ROBO2: variants seen among roughly 807,000 people sequenced by gnomAD.
The protein encoded by ROBO2 is roundabout homolog 2.
Under a neutral mutation model 160.8 loss-of-function variants are expected in ROBO2, and 53 were observed. The observed-to-expected ratio is 0.33, with a 90% confidence interval of 0.26 to 0.41. The LOEUF is 0.41. Ranked by LOEUF, ROBO2 falls within the 10% of genes least tolerant of loss-of-function variation. ROBO2 has a pLI of 1.00. For synonymous variants in ROBO2, 664 were observed against 611.7 expected, an observed-to-expected ratio of 1.09 and a Z score of -1.26; for missense variants, 1,577 against 1,722.4, an observed-to-expected ratio of 0.92 and a Z score of 1.49.
At chr3:77,475,314 T>C (rs1028161833) in intron 2 of ROBO2, among the ~76,000 whole-genome samples, 3 of 152,194 alleles carry the variant, frequency 2.0e-5, no homozygotes, top group African/African-American at 4.8e-5. Context: ...GGAGTCATTT[T>C]CCCCCTTTTT....
Position 76,173,222 on chromosome 3 carries a change from GTA to G in ROBO2, c.109+235628_109+235629del, listed in dbSNP as rs201573444. Among the ~76,000 whole-genome samples the G allele has an allele frequency of 1.0e-4, 15 of 149,790 alleles. No individual in the cohort carries two copies. In the East Asian group the frequency reaches 1.4e-3, roughly 14 times the overall value. ...TTAATGGTAATATATATGTGTGTGA[GTA>G]TATATATGTGTGTGTATATATGTGT... On this transcript the variant is annotated intron_variant, in intron 2 of 26. Transcript: ENST00000487694.
At chr3:77,123,047 G>A (rs1021792214) in intron 2 of ROBO2, among the ~76,000 whole-genome samples, 3 of 152,008 alleles carry the variant, frequency 2.0e-5, no homozygotes, top group Non-Finnish European at 2.9e-5. Context: ...AGCAATAAAA[G>A]CAAAGACAAG....
At chr3:77,536,450 T>A (rs2092110301) in intron 6 of ROBO2, among the ~76,000 whole-genome samples, 1 of 152,068 alleles carries the variant, frequency 6.6e-6, no homozygotes, top group Non-Finnish European at 1.5e-5. Flanking sequence ...ATCTCTTTCC[T>A]CTTTTTCTTC....
chr3:77,394,812 T>A (rs1671350294), intron 2 of ROBO2, among the ~76,000 whole-genome samples: 1 of 152,170 alleles, frequency 6.6e-6, no homozygotes, highest in Non-Finnish European at 1.5e-5. Flanking sequence ...ATTCACTGTT[T>A]CATATGATAT....
At chr3:77,359,106 A>G (rs762508047) in intron 2 of ROBO2, among the ~76,000 whole-genome samples, 9 of 152,262 alleles carry the variant, frequency 5.9e-5, no homozygotes, top group Non-Finnish European at 5.9e-5. Context: ...AAAGCAATGC[A>G]TGAGTATCTA....
At chr3:76,374,764 G>A (rs1455463087) in intron 2 of ROBO2, among the ~76,000 whole-genome samples, 1 of 151,934 alleles carries the variant, frequency 6.6e-6, no homozygotes, top group Non-Finnish European at 1.5e-5. Flanking sequence ...GGCAATTTCA[G>A]TGGCCTGCTG....
At chr3:76,215,757 C>T (rs2107356009) in intron 2 of ROBO2, among the ~76,000 whole-genome samples, 1 of 152,290 alleles carries the variant, frequency 6.6e-6, no homozygotes, top group Non-Finnish European at 1.5e-5. Context: ...TCCAGGAGAA[C>T]TTCCCCAATC....
chr3:76,977,306 A>G (rs2149309565), intron 2 of ROBO2, among the ~76,000 whole-genome samples: 1 of 152,324 alleles, frequency 6.6e-6, no homozygotes, highest in African/African-American at 2.4e-5. Context: ...AAGTGATTCA[A>G]TAAGTAACAG....
intron 2 of ROBO2, among the ~76,000 whole-genome samples, chr3:76,700,595 A>G (rs1237349540): frequency 1.3e-5 from 2 of 152,110 alleles, no homozygotes; most frequent in East Asian, 1.9e-4. Flanking sequence ...ACAGGGTGTC[A>G]TTCATTTAGT....
chr3:76,608,463 T>A (rs1208037482), intron 2 of ROBO2, among the ~76,000 whole-genome samples: 1 of 152,198 alleles, frequency 6.6e-6, no homozygotes, highest in South Asian at 2.1e-4. Context: ...TGGCCCATTT[T>A]TTGCTCACCC....
At chr3:76,582,016 T>C (rs536913626) in intron 2 of ROBO2, among the ~76,000 whole-genome samples, 1 of 152,206 alleles carries the variant, frequency 6.6e-6, no homozygotes, top group Admixed American at 6.5e-5. Context: ...GACACAAAAC[T>C]TGGTGATTGA....
chr3:76,903,818 A>G (rs2075398983), intron 2 of ROBO2, among the ~76,000 whole-genome samples: 1 of 152,112 alleles, frequency 6.6e-6, no homozygotes, highest in Admixed American at 6.6e-5. Context: ...TTCTCCCATT[A>G]CTTTCTCTCC....
intron 16 of ROBO2, among the ~76,000 whole-genome samples, chr3:77,586,013 A>G (rs562711149): frequency 1.9e-4 from 29 of 152,224 alleles, no homozygotes; most frequent in Non-Finnish European, 4.0e-4. Flanking sequence ...TGTTTCATCT[A>G]TTCCTTCTCA....
rs76131180 is a variant in ROBO2 at position 76,053,406 on chromosome 3, C to A, written c.109+115804C>A. On this transcript the variant is annotated intron_variant, in intron 2 of 26. Coordinates refer to the ROBO2 transcript ENST00000487694. ...CAGTTAAAAATGCATTGTAGATGTTCTTTTTCTTTCATTTCAAAACCTAAA... is the reference window on the plus strand; with the variant it reads ...CAGTTAAAAATGCATTGTAGATGTTATTTTTCTTTCATTTCAAAACCTAAA... Among the ~76,000 whole-genome samples the A allele has an allele frequency of 3.6e-3, 542 of 151,968 alleles. 3 individuals carry two copies. The highest frequency in any genetic ancestry group is 0.02 in the Middle Eastern group (6 of 294).
chr3:76,011,616 A>G (rs1225968925), intron 2 of ROBO2, among the ~76,000 whole-genome samples: 1 of 152,196 alleles, frequency 6.6e-6, no homozygotes, highest in East Asian at 1.9e-4. Flanking sequence ...GACACAGAAA[A>G]GATAAAAGGT....
chr3:76,699,262 A>G (rs906605346), intron 2 of ROBO2, among the ~76,000 whole-genome samples: 1 of 152,056 alleles, frequency 6.6e-6, no homozygotes, highest in African/African-American at 2.4e-5. Flanking sequence ...TCTGCTGTTT[A>G]TCCAGGTCTG....
chr3:77,642,862 C>A (rs1456149698), intron 24 of ROBO2: 1 of 456,644 alleles, frequency 2.2e-6, no homozygotes. Context: ...AGAGTGGCAG[C>A]GACAAACCCA....
intron 2 of ROBO2, among the ~76,000 whole-genome samples, chr3:77,219,560 G>A (rs560804055): frequency 6.9e-6 from 1 of 143,930 alleles, no homozygotes; most frequent in African/African-American, 2.6e-5. Context: ...GCTTTCTTTT[G>A]GGGGTAAAGT....
At chr3:76,882,382 G>A (rs754596290) in intron 2 of ROBO2, among the ~76,000 whole-genome samples, 1 of 151,870 alleles carries the variant, frequency 6.6e-6, no homozygotes, top group African/African-American at 2.4e-5. Context: ...TATCTTTCTC[G>A]GTTTTACCTA....
Sources: gnomAD v4.1 joint callset for allele counts (sites outside exome capture counted in the v4.1 genomes callset) on GRCh38, gnomAD v4.1.1 for gene constraint, MANE v1.5 for transcripts, NCBI Gene and HGNC (gene_info 2026-07-23, HGNC 2026-07-21) for gene names.